The following CNTNAP2 variants were observed in gnomAD, a reference collection of about 807,000 sequenced individuals.
The protein encoded by CNTNAP2 is contactin-associated protein-like 2.
CNTNAP2 carries 98 observed loss-of-function variants against 155.2 expected under a neutral mutation model. That is an observed-to-expected ratio of 0.63 (90% CI 0.54 to 0.75). CNTNAP2 has a LOEUF of 0.75. Among genes scored for constraint, CNTNAP2 ranks in the 30% least tolerant of loss-of-function variants. CNTNAP2 has a pLI of 0.00. For synonymous variants in CNTNAP2, 651 were observed against 631.2 expected, an observed-to-expected ratio of 1.03 and a Z score of -0.47; for missense variants, 1,727 against 1,688.1, an observed-to-expected ratio of 1.02 and a Z score of -0.40.
chr7:147,837,726 GC>G (rs1798656114), intron 13 of CNTNAP2, among the ~76,000 whole-genome samples: 1 of 152,128 alleles, frequency 6.6e-6, no homozygotes, highest in South Asian at 2.1e-4. Flanking sequence ...GACTGAAGAA[GC>G]TAAAGGCCCT....
chr7:146,489,627 C>A (rs1797109438), intron 1 of CNTNAP2, among the ~76,000 whole-genome samples: 2 of 152,158 alleles, frequency 1.3e-5, no homozygotes, highest in African/African-American at 4.8e-5. Context: ...GCCCTGCCCA[C>A]TTGGCCTGCG....
At chr7:148,088,304 G>T (rs560161227) in intron 15 of CNTNAP2, among the ~76,000 whole-genome samples, 5 of 151,730 alleles carry the variant, frequency 3.3e-5, no homozygotes, top group African/African-American at 1.2e-4. Context: ...AAAGTTACTA[G>T]ATGGAAGGAA....
intron 2 of CNTNAP2, among the ~76,000 whole-genome samples, chr7:146,784,369 G>T (rs1802538762): frequency 6.6e-6 from 1 of 152,126 alleles, no homozygotes; most frequent in Non-Finnish European, 1.5e-5. Flanking sequence ...AGAGGGGGAA[G>T]TTTGCGAATA....
At chr7:146,643,190 T>G (rs1233847667) in intron 1 of CNTNAP2, among the ~76,000 whole-genome samples, 2 of 149,018 alleles carry the variant, frequency 1.3e-5, no homozygotes, top group Non-Finnish European at 3.0e-5. Context: ...AATTTTGGCT[T>G]TTGTTGCCAT....
intron 1 of CNTNAP2, among the ~76,000 whole-genome samples, chr7:146,631,895 T>C (rs1305250261): frequency 2.0e-5 from 3 of 152,176 alleles, no homozygotes; most frequent in African/African-American, 7.2e-5. Flanking sequence ...ATCTTACTAA[T>C]GTAACTTTCT....
intron 13 of CNTNAP2, among the ~76,000 whole-genome samples, chr7:147,870,678 A>AT (rs1306931570): frequency 6.6e-5 from 10 of 152,118 alleles, no homozygotes; most frequent in African/African-American, 2.2e-4. Flanking sequence ...AATTCTTTGC[A>AT]TTTTTTTAGT....
chr7:147,096,839 A>G (rs1041654864), intron 4 of CNTNAP2, among the ~76,000 whole-genome samples: 3 of 152,224 alleles, frequency 2.0e-5, no homozygotes, highest in Non-Finnish European at 4.4e-5. Flanking sequence ...CCAATGCCCA[A>G]ATCACTGAGG....
At chr7:147,690,225 C>CT (rs1796068386) in intron 13 of CNTNAP2, among the ~76,000 whole-genome samples, 1 of 152,110 alleles carries the variant, frequency 6.6e-6, no homozygotes, top group Non-Finnish European at 1.5e-5. Flanking sequence ...TCCAAAATGA[C>CT]TTTTTTCCCT....
At chr7:148,246,278 T>C (rs1291668879) in intron 20 of CNTNAP2, among the ~76,000 whole-genome samples, 3 of 152,220 alleles carry the variant, frequency 2.0e-5, no homozygotes, top group Non-Finnish European at 4.4e-5. Flanking sequence ...TACGTTGTTT[T>C]CTTTAATATC....
intron 15 of CNTNAP2, among the ~76,000 whole-genome samples, chr7:148,006,498 T>C (rs575435127): frequency 6.6e-6 from 1 of 152,006 alleles, no homozygotes; most frequent in South Asian, 2.1e-4. Flanking sequence ...TTTGTATTTT[T>C]AGTGGAGACA....
intron 9 of CNTNAP2, among the ~76,000 whole-genome samples, chr7:147,316,202 A>G (rs765910956): frequency 1.3e-5 from 2 of 152,112 alleles, no homozygotes; most frequent in African/African-American, 2.4e-5. Flanking sequence ...GGTGATCTCA[A>G]TGCTTGTCAT....
At position 148,081,815 on chromosome 7, in the gene CNTNAP2, C is replaced by T. The variant is rs568804083; in HGVS notation, c.2384-36303C>T. 5.9e-5 allele frequency among the ~76,000 whole-genome samples: 9 copies of T among 151,886 alleles called. No homozygotes were observed. The South Asian group carries it at 1.7e-3, about 28-fold the overall frequency. On this transcript the variant is annotated intron_variant, in intron 15 of 23. Transcript: ENST00000361727. ...TTTTTCCCGAGCATATGATAAATGA[C>T]AGTGATTTGGGAAGACTTCATGGCA...
In CNTNAP2 at chr7:147,988,111, C is replaced by T. The variant is rs1328288097; in HGVS notation, c.2383+10122C>T. Among the ~76,000 whole-genome samples the T allele has an allele frequency of 3.3e-5, 5 of 152,120 alleles. No homozygotes were observed. In the South Asian group the frequency reaches 8.3e-4, roughly 25 times the overall value. Reference sequence around the variant, plus strand: ...CGGAGGGTGGTGGGGGTAGGGGTTCCAGGCTATAGGTGAATTTAAATATTT... The same window carrying T: ...CGGAGGGTGGTGGGGGTAGGGGTTCTAGGCTATAGGTGAATTTAAATATTT... On this transcript the variant is annotated intron_variant, in intron 15 of 23. Transcript: ENST00000361727.
At chr7:148,193,700 C>T (rs1193707080) in intron 18 of CNTNAP2, among the ~76,000 whole-genome samples, 2 of 152,052 alleles carry the variant, frequency 1.3e-5, no homozygotes, top group African/African-American at 4.8e-5. Flanking sequence ...CTCCATGGTC[C>T]AGCCCACACT....
chr7:146,537,938 T>C (rs1279262407), intron 1 of CNTNAP2, among the ~76,000 whole-genome samples: 1 of 152,108 alleles, frequency 6.6e-6, no homozygotes, highest in African/African-American at 2.4e-5. Context: ...ATGTGATTGA[T>C]GTGAGACGCT....
intron 13 of CNTNAP2, among the ~76,000 whole-genome samples, chr7:147,902,235 A>G (rs1799881771): frequency 6.6e-6 from 1 of 152,222 alleles, no homozygotes; most frequent in African/African-American, 2.4e-5. Context: ...AGAAATCTTA[A>G]GCTTAACACT....
chr7:147,784,381 C>CATATATATATATATATAT lies in CNTNAP2; in HGVS notation c.2099-119175_2099-119158dup, dbSNP rs60221349. ...TTCATAGCCCTCTACAAACTAAAAA[C>CATATATATATATATATAT]ATATATATATATATATATATATATA... is the stretch of plus-strand genomic sequence containing the variant. On this transcript the variant is annotated intron_variant, in intron 13 of 23. Coordinates refer to ENST00000361727, the MANE Select transcript of CNTNAP2 (RefSeq NM_014141.6). 3.5e-3 allele frequency among the ~76,000 whole-genome samples: 349 copies of CATATATATATATATATAT among 99,230 alleles called. 7 individuals carry two copies. The highest frequency in any genetic ancestry group is 0.014 in the Middle Eastern group (2 of 140). The allele number at this position is 99,230 out of a possible 152,430, so 65.1% of individuals were successfully genotyped here.
chr7:147,784,549 AT>A (rs1797709379), intron 13 of CNTNAP2, among the ~76,000 whole-genome samples: 1 of 75,904 alleles, frequency 1.3e-5, no homozygotes. Flanking sequence ...ATATATATAT[AT>A]GAGTTTTTTT....
chr7:147,455,151 T>C (rs1374608087), intron 10 of CNTNAP2, among the ~76,000 whole-genome samples: 4 of 152,156 alleles, frequency 2.6e-5, no homozygotes, highest in Non-Finnish European at 5.9e-5. Flanking sequence ...GAATTTAATA[T>C]TGAAGAAGTA....
Sources: allele counts gnomAD v4.1 joint callset (sites outside exome capture counted in the v4.1 genomes callset), GRCh38; gene constraint gnomAD v4.1.1; transcripts MANE v1.5; gene names NCBI Gene and HGNC (gene_info 2026-07-23, HGNC 2026-07-21).